The following APOH variants were observed in gnomAD, a reference collection of about 807,000 sequenced individuals.
The protein encoded by APOH is apolipoprotein H.
Under a neutral mutation model 39.8 loss-of-function variants are expected in APOH, and 48 were observed. The observed-to-expected ratio is 1.21, with a 90% CI of 0.96 to 1.54. APOH has a LOEUF of 1.54. Among genes scored for constraint, APOH ranks in the 40% most tolerant of loss-of-function variants. APOH has a pLI of 0.00. For missense variants in APOH, 415 were observed against 421.2 expected (o/e 0.99, Z 0.13); for synonymous variants, 153 against 151.1 (o/e 1.01, Z -0.09).
chr17:66,221,172 A>G (rs1388087549), intron 4 of APOH, among the ~76,000 whole-genome samples: 1 of 151,434 alleles, frequency 6.6e-6, no homozygotes, highest in African/African-American at 2.4e-5. Context: ...CAGCCTGGGC[A>G]ACAGAGTGAG....
intron 4 of APOH, among the ~76,000 whole-genome samples, chr17:66,223,050 G>GA (rs1167124932): frequency 6.6e-6 from 1 of 152,200 alleles, no homozygotes; most frequent in Non-Finnish European, 1.5e-5. Flanking sequence ...AGGATCCTCT[G>GA]AAAAAACAAC....
At chr17:66,218,288 T>C (rs1245917203) in intron 5 of APOH, among the ~76,000 whole-genome samples, 2 of 152,066 alleles carry the variant, frequency 1.3e-5, no homozygotes, top group African/African-American at 4.8e-5. Flanking sequence ...CAGCTGACAC[T>C]ATGTGCTTCC....
chr17:66,217,255 C>T (rs1413992375), intron 5 of APOH, among the ~76,000 whole-genome samples: 1 of 151,682 alleles, frequency 6.6e-6, no homozygotes, highest in East Asian at 1.9e-4. Flanking sequence ...TTGCAAACTT[C>T]ATCTCTACAC....
rs968941041 is a variant in APOH, at chr17:66,214,670, T to C, written c.785-20A>G. On this transcript the variant is annotated intron_variant, in intron 6 of 7. Transcript: ENST00000205948. ...AAGATGCTGAAAGAGAGAATACTTG[T>C]AATCAGGACTTAAGAGTTCAGGAAG... 6.3e-7 allele frequency: 1 copy of C among 1,591,544 alleles called. No individual in the cohort carries two copies. Among genetic ancestry groups the C allele is most frequent in the Non-Finnish European group, 8.6e-7 (1 of 1,161,370 alleles).
At chr17:66,212,283 T>G in intron 7 of APOH, 95 bp from the exon 8 acceptor site, 4 of 966,236 alleles carry the variant, frequency 4.1e-6, no homozygotes, top group Non-Finnish European at 6.5e-6. Flanking sequence ...TTTACGAGTA[T>G]ATAGAATACA....
intron 7 of APOH, among the ~76,000 whole-genome samples, chr17:66,213,457 A>G (rs2073347102): frequency 6.6e-6 from 1 of 152,240 alleles, no homozygotes; most frequent in African/African-American, 2.4e-5. Context: ...TAGACCAATT[A>G]TCATTGCCAT....
intron 5 of APOH, among the ~76,000 whole-genome samples, chr17:66,219,314 A>C (rs2073383796): frequency 6.6e-6 from 1 of 152,166 alleles, no homozygotes; most frequent in African/African-American, 2.4e-5. Context: ...TATACAACTT[A>C]TTTTCAGATG....
At chr17:66,226,584 C>A (rs59857699) in intron 2 of APOH, among the ~76,000 whole-genome samples, 3,089 of 147,370 alleles carry the variant, frequency 0.021, 110 homozygotes, top group African/African-American at 0.072. Context: ...GCCAAGATGG[C>A]ACCACTGCAC....
In APOH at chr17:66,228,066, G is replaced by A. The variant is rs1295326998; in HGVS notation, c.195C>T (p.Ile65=). ...YVSRGGMRKF[I]CPLTGLWPIN... is the part of the protein sequence containing the mutation. ...TGGGCCACAGTCCTGTGAGAGGGCA[G>A]ATAAACTTTCTCATCCCTCCTCGGG... Residue 65 remains isoleucine (I), a synonymous_variant, in exon 2 of 8, where the codon ATC becomes ATT. Coordinates refer to ENST00000205948, the MANE Select transcript of APOH (RefSeq NM_000042.3). The A allele has an allele frequency of 6.2e-7, 1 of 1,614,080 alleles. No homozygotes were observed. Among genetic ancestry groups the A allele is most frequent in the African/African-American group, 1.3e-5 (1 of 74,934 alleles).
Position 66,228,117 on chromosome 17 carries a change from C to T in APOH, c.144G>A (p.Thr48=), listed in dbSNP as rs775234915. The change falls in exon 2 of 8, where the codon ACG becomes ACA. Residue 48 remains threonine, a synonymous_variant. Coordinates refer to ENST00000205948, the MANE Select transcript of APOH (RefSeq NM_000042.3). ...KTFYEPGEEI[T]YSCKPGYVSR... Reference sequence around the variant, plus strand: ...ACACATAGCCCGGCTTGCAGGAATACGTAATCTCTTCTCCTGGCTCATAGA... The same window carrying T: ...ACACATAGCCCGGCTTGCAGGAATATGTAATCTCTTCTCCTGGCTCATAGA... 43 of 1,614,058 alleles carry T rather than the reference C, an allele frequency of 2.7e-5. 1 individual carries two copies. The highest frequency in any genetic ancestry group is 1.5e-4 in the South Asian group (14 of 91,086).
chr17:66,216,280 C>T (rs1024583322), intron 6 of APOH, among the ~76,000 whole-genome samples: 1 of 151,814 alleles, frequency 6.6e-6, no homozygotes, highest in South Asian at 2.1e-4. Context: ...GTCAGGAGTT[C>T]GAAATTAGCC....
intron 1 of APOH, among the ~76,000 whole-genome samples, 183 bp downstream of exon 1, chr17:66,229,133 C>T (rs1004342000): frequency 1.3e-5 from 2 of 152,124 alleles, no homozygotes; most frequent in African/African-American, 4.8e-5. Flanking sequence ...GACGGGGTTT[C>T]ACCATGTTGG....
chr17:66,219,903 A>G (rs1178009419), intron 5 of APOH, among the ~76,000 whole-genome samples: 1 of 152,116 alleles, frequency 6.6e-6, no homozygotes, highest in Non-Finnish European at 1.5e-5. Flanking sequence ...GAGTGAGACT[A>G]TCTCAAAAAA....
rs781098935 is a variant in APOH, at chr17:66,214,630, T to C, written c.805A>G (p.Lys269Glu). The C allele has an allele frequency of 3.7e-6, 6 of 1,612,994 alleles. No homozygotes were observed. The highest frequency in any genetic ancestry group is 1.7e-5 in the Admixed American group (1 of 59,656). ...CCTTGGTACACCACAGTGGCTTTTT[T>C]CACAGGTACTTTACAAGATGCTGAA... is the stretch of plus-strand genomic sequence containing the variant. ...SCKASCKVPV[K>E]KATVVYQGER... Residue 269 changes from lysine to glutamate, a missense_variant, in exon 7 of 8, where the codon AAA becomes GAA. Lys to Glu is a moderately conservative substitution (Grantham distance 56). This residue lies in a region of APOH where 120 missense variants were observed against 110.6 expected (regional missense o/e 1.08). Transcript: ENST00000205948.
At position 66,224,611 on chromosome 17, in the gene APOH, A is replaced by G. The variant is rs534381557; in HGVS notation, c.339-837T>C. Among the ~76,000 whole-genome samples the G allele has an allele frequency of 4.8e-4, 71 of 146,732 alleles. 2 individuals carry two copies. Among genetic ancestry groups the G allele is most frequent in the African/African-American group, 1.8e-3 (71 of 39,690 alleles). On this transcript the variant is annotated intron_variant, in intron 3 of 7. Coordinates refer to ENST00000205948, the MANE Select transcript of APOH (RefSeq NM_000042.3). ...AGGGAAAGAGAAAGAAAGAAAGAAA[A>G]AGAAAGAAAGAAAGAAGAAAGGAAG...
intron 3 of APOH, among the ~76,000 whole-genome samples, 185 bp from the exon 4 acceptor site, chr17:66,223,959 G>A (rs2073419240): frequency 6.6e-6 from 1 of 152,128 alleles, no homozygotes; most frequent in Non-Finnish European, 1.5e-5. Context: ...AATGATGCAG[G>A]TGAATCACTG....
chr17:66,227,569 A>G lies in APOH; in HGVS notation c.241+451T>C, dbSNP rs1446015533. Among the ~76,000 whole-genome samples the G allele has an allele frequency of 2.0e-5, 3 of 152,172 alleles. No individual in the cohort carries two copies. In the East Asian group the frequency reaches 5.8e-4, roughly 29 times the overall value. Reference sequence around the variant, plus strand: ...TTGACCTCTTTTCTTGTATTTCATTATAATATAATATATACATAATGTAGA... The same window carrying G: ...TTGACCTCTTTTCTTGTATTTCATTGTAATATAATATATACATAATGTAGA... On this transcript the variant is annotated intron_variant, in intron 2 of 7. Transcript: ENST00000205948.
intron 4 of APOH, among the ~76,000 whole-genome samples, chr17:66,222,718 T>C (rs1388224773): frequency 1.3e-5 from 2 of 151,998 alleles, no homozygotes; most frequent in Non-Finnish European, 2.9e-5. Flanking sequence ...ATTAGAGGCA[T>C]GCGCCACCAT....
intron 1 of APOH, 37 bp from the exon 2 acceptor site, chr17:66,228,233 C>G (rs1258283781): frequency 6.3e-7 from 1 of 1,586,932 alleles, no homozygotes; most frequent in Non-Finnish European, 8.6e-7. Flanking sequence ...TAACAAATCT[C>G]TATTTGCATT....
Sources: gnomAD v4.1 joint callset for allele counts (sites outside exome capture counted in the v4.1 genomes callset) on GRCh38, gnomAD v4.1.1 for gene constraint, gnomAD v4.1.1 regional missense constraint, MANE v1.5 for transcripts, NCBI Gene and HGNC (gene_info 2026-07-23, HGNC 2026-07-21) for gene names.